The following PSMF1 variants were observed in gnomAD, a reference collection of about 807,000 sequenced individuals.
PSMF1 encodes proteasome inhibitor PI31 subunit.
A neutral mutation model predicts 29.3 loss-of-function variants in PSMF1; 30 were observed. The observed-to-expected ratio is 1.02, with a 90% confidence interval of 0.77 to 1.39. The LOEUF (loss-of-function observed/expected upper bound fraction) is 1.39, where lower values mean the gene tolerates loss of function less well. Ranked by LOEUF, PSMF1 falls within the 40% of genes most tolerant of loss-of-function variation. The pLI is 0.00. For missense variants in PSMF1, 344 were observed against 357.5 expected (o/e 0.96, Z 0.31); for synonymous variants, 134 against 139.7 (o/e 0.96, Z 0.29).
rs918158690 is a variant in PSMF1 at position 1,169,204 on chromosome 20, C to T, written c.*4124C>T. 3.3e-5 allele frequency among the ~76,000 whole-genome samples: 5 copies of T among 152,140 alleles called. No homozygotes were observed. The highest frequency in any genetic ancestry group is 1.2e-4 in the African/African-American group (5 of 41,440). On this transcript the variant is annotated 3_prime_UTR_variant, in exon 7 of 7. Transcript: ENST00000335877. ...GACACATGGACCAAGTCACTGCGGC[C>T]GTACTTGGCCCTGAATCTGTCCTGG...
intron 1 of PSMF1, among the ~76,000 whole-genome samples, chr20:1,119,438 C>A (rs1409490575): frequency 6.6e-6 from 1 of 152,126 alleles, no homozygotes; most frequent in African/African-American, 2.4e-5. Context: ...CCAGAGAGTT[C>A]ACACGCCTTT....
chr20:1,126,439 C>T (rs565753131), intron 2 of PSMF1, among the ~76,000 whole-genome samples: 7 of 152,216 alleles, frequency 4.6e-5, no homozygotes, highest in African/African-American at 1.7e-4. Context: ...TTTGTTTTAA[C>T]TATTATATAG....
At chr20:1,113,690 T>C (rs1398972248), upstream of PSMF1, among the ~76,000 whole-genome samples, 1 of 152,022 alleles carries the variant, frequency 6.6e-6, no homozygotes, top group Admixed American at 6.6e-5. Context: ...TTCTTCTTTT[T>C]TTTTGTTTTT....
At chr20:1,158,401 G>A (rs1375284888) in intron 4 of PSMF1, among the ~76,000 whole-genome samples, 2 of 152,136 alleles carry the variant, frequency 1.3e-5, no homozygotes, top group African/African-American at 4.8e-5. Context: ...ACATCTTAAA[G>A]ACTGAAGTGC....
rs564867686 is a variant in PSMF1, at chr20:1,142,446, G to A, written c.551+7140G>A. 2.1e-3 allele frequency among the ~76,000 whole-genome samples: 316 copies of A among 151,568 alleles called. 1 individual carries two copies. Among genetic ancestry groups the A allele is most frequent in the African/African-American group, 7.2e-3 (298 of 41,204 alleles). Reference sequence around the variant, plus strand: ...TCCCCCCACCCCACAACAGGCCCCGGTGTGTGATGTTCCCCTTCCTGTGTC... The same window carrying A: ...TCCCCCCACCCCACAACAGGCCCCGATGTGTGATGTTCCCCTTCCTGTGTC... On this transcript the variant is annotated intron_variant, in intron 4 of 6. Coordinates refer to ENST00000335877, the MANE Select transcript of PSMF1 (RefSeq NM_006814.5).
Position 1,135,179 on chromosome 20 carries a change from A to G in PSMF1, c.424A>G (p.Ile142Val), listed in dbSNP as rs545197282. 1 of 1,613,912 alleles carries G rather than the reference A, an allele frequency of 6.2e-7. No individual in the cohort carries two copies. Among genetic ancestry groups the G allele is most frequent in the Admixed American group, 1.7e-5 (1 of 59,994 alleles). Residue 142 changes from isoleucine to valine, a missense_variant, in exon 4 of 7, where the codon ATC becomes GTC. Transcript: ENST00000335877. ...SRIVSGIITPIHEQWEKANVS... is the reference protein window; with the variant it reads ...SRIVSGIITPVHEQWEKANVS... ...TATTGTGTCTGGAATCATCACACCT[A>G]TCCATGAGCAGTGGGAAAAGGCTAA... is the stretch of plus-strand genomic sequence containing the variant.
At chr20:1,126,113 A>T (rs1227539753) in intron 2 of PSMF1, among the ~76,000 whole-genome samples, 1 of 152,238 alleles carries the variant, frequency 6.6e-6, no homozygotes, top group African/African-American at 2.4e-5. Flanking sequence ...TTCCTCAAAA[A>T]TTTCAGTTCT....
intron 4 of PSMF1, among the ~76,000 whole-genome samples, chr20:1,160,330 A>G (rs1338421507): frequency 6.6e-6 from 1 of 151,934 alleles, no homozygotes; most frequent in Non-Finnish European, 1.5e-5. Flanking sequence ...CATGGTTTTT[A>G]TTGCTTCCAT....
At position 1,164,288 on chromosome 20, in the gene PSMF1, C is replaced by T. The variant is rs763792398; in HGVS notation, c.606-30C>T. On this transcript the variant is annotated intron_variant, in intron 5 of 6. Transcript: ENST00000335877. The surrounding 1 kb of genome is among the most constrained non-coding windows in gnomAD (Gnocchi z 4.1). ...TCTCCAAGGGCAGTCCTTGCCACAC[C>T]TGCTTACCTAACTTTTCTTCTTGCC... The T allele has an allele frequency of 1.3e-6, 2 of 1,597,300 alleles. No homozygotes were observed. Among genetic ancestry groups the T allele is most frequent in the African/African-American group, 2.7e-5 (2 of 74,496 alleles).
chr20:1,137,558 G>A (rs1327965572), intron 4 of PSMF1, among the ~76,000 whole-genome samples: 1 of 152,128 alleles, frequency 6.6e-6, no homozygotes, highest in Non-Finnish European at 1.5e-5. Flanking sequence ...TCCAAAATTG[G>A]AATATGGAAA....
intron 3 of PSMF1, among the ~76,000 whole-genome samples, chr20:1,132,175 T>C (rs2086238107): frequency 6.6e-6 from 1 of 152,210 alleles, no homozygotes; most frequent in African/African-American, 2.4e-5. Context: ...GGCCTTAATA[T>C]TGAGTAGAAT....
intron 1 of PSMF1, among the ~76,000 whole-genome samples, chr20:1,120,591 C>T (rs144621815): frequency 1.2e-3 from 184 of 152,322 alleles, no homozygotes; most frequent in African/African-American, 4.1e-3. Context: ...TCTTAAGCAG[C>T]TCTTCACTTG....
chr20:1,160,393 G>T (rs978717680), intron 4 of PSMF1, among the ~76,000 whole-genome samples: 1 of 152,044 alleles, frequency 6.6e-6, no homozygotes, highest in Non-Finnish European at 1.5e-5. Context: ...CATTCAGGCT[G>T]ACTGCAGTTT....
intron 2 of PSMF1, 44 bp downstream of exon 2, chr20:1,125,694 G>A: frequency 6.3e-7 from 1 of 1,584,382 alleles, no homozygotes. Flanking sequence ...GATGGGGATA[G>A]GAATGGCTGT....
In PSMF1 at chr20:1,168,069, A is replaced by AT. The variant is rs1346561610; in HGVS notation, c.*2995dup. On this transcript the variant is annotated 3_prime_UTR_variant, in exon 7 of 7. Transcript: ENST00000335877. The stretch of plus-strand genomic sequence containing the variant: ...GCATCTCATTGTGGTCTTCTCTTCC[A>AT]TTTTTTAAAAAAGAATTTTGACCTA... The AT allele has an allele frequency of 1.3e-5, 2 of 152,138 alleles. No homozygotes were observed. The highest frequency in any genetic ancestry group is 4.8e-5 in the African/African-American group (2 of 41,402). The allele number at this position is 152,138 out of a possible 1,614,324, so 9.4% of individuals were successfully genotyped here.
chr20:1,127,582 A>T, intron 3 of PSMF1, 74 bp downstream of exon 3: 1 of 1,227,274 alleles, frequency 8.1e-7, no homozygotes, highest in Non-Finnish European at 1.2e-6. Flanking sequence ...AATAGGGTGG[A>T]TGTGTCCAGA....
intron 1 of PSMF1, among the ~76,000 whole-genome samples, chr20:1,124,597 G>A (rs2086130307): frequency 1.3e-5 from 2 of 152,148 alleles, no homozygotes; most frequent in Non-Finnish European, 2.9e-5. Flanking sequence ...GTTCATAGCA[G>A]CATTGTTTAT....
In PSMF1 at chr20:1,172,004, G is replaced by A. The variant is rs551729318; in HGVS notation, c.*6924G>A. Among the ~76,000 whole-genome samples the A allele has an allele frequency of 9.2e-5, 14 of 152,328 alleles. No homozygotes were observed. The highest frequency in any genetic ancestry group is 5.2e-4 in the Admixed American group (8 of 15,304). On this transcript the variant is annotated 3_prime_UTR_variant, in exon 7 of 7. Transcript: ENST00000335877. Reference sequence around the variant, plus strand: ...GTTTGGCTTTCCCCATCTGTAAAATGTAGATAAGGATGGACCCACCTCCCC... The same window carrying A: ...GTTTGGCTTTCCCCATCTGTAAAATATAGATAAGGATGGACCCACCTCCCC...
Position 1,165,185 on chromosome 20 carries a change from T to C in PSMF1, c.*105T>C. ...CTTGCAGGCTGGGGGCAAGGGATTCTGCTCATGTGTTTGCAGACCGGCTGG... is the reference window on the plus strand; with the variant it reads ...CTTGCAGGCTGGGGGCAAGGGATTCCGCTCATGTGTTTGCAGACCGGCTGG... On this transcript the variant is annotated 3_prime_UTR_variant, in exon 7 of 7. Coordinates refer to ENST00000335877, the MANE Select transcript of PSMF1 (RefSeq NM_006814.5). 1 of 1,588,320 alleles carries C rather than the reference T, an allele frequency of 6.3e-7. No homozygotes were observed. Among genetic ancestry groups the C allele is most frequent in the Non-Finnish European group, 8.6e-7 (1 of 1,165,784 alleles).
Sources: allele counts gnomAD v4.1 joint callset (sites outside exome capture counted in the v4.1 genomes callset), GRCh38; gene constraint gnomAD v4.1.1; non-coding constraint Gnocchi (gnomAD v3.1); transcripts MANE v1.5; gene names NCBI Gene and HGNC (gene_info 2026-07-23, HGNC 2026-07-21).